Variants in DGKB observed in about 807,000 individuals in gnomAD.
DGKB encodes the protein diacylglycerol kinase beta.
DGKB carries 67 observed loss-of-function variants against 114.3 expected under a neutral mutation model. The observed-to-expected ratio is 0.59, with a 90% CI of 0.48 to 0.72. DGKB has a LOEUF of 0.72. DGKB is among the 30% of genes least tolerant of loss of function. The probability of loss-of-function intolerance (pLI) is 0.00; values close to 1 mark genes in which losing one functional copy is unlikely to be tolerated. For missense variants in DGKB, 907 were observed against 975.2 expected (o/e 0.93, Z 0.93); for synonymous variants, 398 against 323.1 (o/e 1.23, Z -2.49).
At chr7:14,899,293 G>T (rs367968444) in intron 1 of DGKB, among the ~76,000 whole-genome samples, 3 of 151,980 alleles carry the variant, frequency 2.0e-5, no homozygotes, top group African/African-American at 4.8e-5. Flanking sequence ...GCCTTTCTCC[G>T]CCACTTGTCT....
Position 14,478,137 on chromosome 7 carries a change from A to C in DGKB, c.1835+24T>G, listed in dbSNP as rs969343975. On this transcript the variant is annotated intron_variant, in intron 21 of 25. Transcript: ENST00000402815. ...GCAAAATTCAGCAACTATATCTATAATTTCATCTCTTTTGTCACCTTACCT... is the reference window on the plus strand; with the variant it reads ...GCAAAATTCAGCAACTATATCTATACTTTCATCTCTTTTGTCACCTTACCT... 2.0e-6 allele frequency: 3 copies of C among 1,533,890 alleles called. No individual in the cohort carries two copies. The East Asian group carries it at 6.9e-5, about 35-fold the overall frequency.
chr7:14,775,646 T>A (rs753012752), intron 2 of DGKB, among the ~76,000 whole-genome samples: 1 of 151,988 alleles, frequency 6.6e-6, no homozygotes, highest in Non-Finnish European at 1.5e-5. Flanking sequence ...TCTTCCCAAT[T>A]TCGTTCTGCA....
At chr7:14,961,514 G>A (rs1474427743) in intron 1 of DGKB, among the ~76,000 whole-genome samples, 1 of 152,116 alleles carries the variant, frequency 6.6e-6, no homozygotes, top group African/African-American at 2.4e-5. Context: ...AGATGCAAGG[G>A]AGAACCACCT....
At chr7:14,384,027 C>G (rs10247193) in intron 21 of DGKB, among the ~76,000 whole-genome samples, 8,739 of 152,244 alleles carry the variant, frequency 0.057, 621 homozygotes, top group African/African-American at 0.18. Flanking sequence ...GGCTTTTAAA[C>G]ATGAGGTATG....
chr7:14,394,622 T>C (rs75484262), intron 21 of DGKB, among the ~76,000 whole-genome samples: 15,886 of 152,090 alleles, frequency 0.1, 1,325 homozygotes, highest in East Asian at 0.47. Flanking sequence ...GTTGTTGTTA[T>C]ATCTTCACCT....
At chr7:14,750,793 C>CTTTTTTTTTTTTTTTTTTTTTT (rs1016534410) in intron 4 of DGKB, among the ~76,000 whole-genome samples, 1 of 89,564 alleles carries the variant, frequency 1.1e-5, no homozygotes, top group African/African-American at 5.1e-5. Flanking sequence ...ATTTCTATTT[C>CTTTTTTTTTTTTTTTTTTTTTT]TTTTTTTTTT....
intron 23 of DGKB, among the ~76,000 whole-genome samples, chr7:14,254,233 C>T (rs1795639808): frequency 6.6e-6 from 1 of 152,160 alleles, no homozygotes; most frequent in Non-Finnish European, 1.5e-5. Context: ...CTTGCTACAT[C>T]CGGAAGAGAT....
intron 1 of DGKB, 29 bp from the exon 2 acceptor site, chr7:14,841,479 A>T: frequency 2.4e-6 from 1 of 417,010 alleles, no homozygotes. Context: ...GATCAAGATC[A>T]AAAGATTAAC....
intron 23 of DGKB, among the ~76,000 whole-genome samples, chr7:14,273,625 C>G (rs1798577822): frequency 6.6e-6 from 1 of 152,094 alleles, no homozygotes; most frequent in Non-Finnish European, 1.5e-5. Flanking sequence ...GGTAAATTTT[C>G]ACGTGATAAG....
chr7:14,801,835 T>C (rs765616015), intron 2 of DGKB, among the ~76,000 whole-genome samples: 1 of 151,976 alleles, frequency 6.6e-6, no homozygotes, highest in African/African-American at 2.4e-5. Flanking sequence ...TATATGTATA[T>C]GTGCATGTGT....
chr7:14,907,803 T>A (rs1182366979), upstream of DGKB, among the ~76,000 whole-genome samples: 1 of 152,174 alleles, frequency 6.6e-6, no homozygotes, highest in Non-Finnish European at 1.5e-5. Flanking sequence ...TCGATGAAGG[T>A]ACCTGGTATT....
In DGKB at chr7:14,697,964, GGAAA is replaced by G. The variant is rs200108130; in HGVS notation, c.591+127_591+130del. The G allele has an allele frequency of 3.1e-3, 1,822 of 579,586 alleles. 14 individuals carry two copies. The highest frequency in any genetic ancestry group is 0.025 in the African/African-American group (1,075 of 43,756). The allele number at this position is 579,586 out of a possible 1,614,324, so 35.9% of individuals were successfully genotyped here. A position where few individuals can be genotyped will look rare whatever the true frequency, so the allele number is the denominator to read the frequency against. On this transcript the variant is annotated intron_variant, in intron 8 of 25. Transcript: ENST00000402815. Reference sequence around the variant, plus strand: ...GAAACAGAAAGGGAGATAGAAGGAAGGAAAGAAAGAAAGAAAGAGAGAGAGAAAG... The same window carrying G: ...GAAACAGAAAGGGAGATAGAAGGAAGGAAAGAAAGAAAGAGAGAGAGAAAG...
intron 13 of DGKB, among the ~76,000 whole-genome samples, chr7:14,631,417 G>A (rs937128500): frequency 2.0e-5 from 3 of 151,948 alleles, no homozygotes; most frequent in African/African-American, 7.2e-5. Flanking sequence ...CAGCCCCACA[G>A]AAAATTAAGG....
chr7:14,761,148 T>G (rs987379139), intron 2 of DGKB, among the ~76,000 whole-genome samples: 3 of 152,174 alleles, frequency 2.0e-5, no homozygotes, highest in Non-Finnish European at 4.4e-5. Context: ...TACAATCTAG[T>G]TTGGAAACTG....
At chr7:14,676,673 C>T (rs1007335350) in intron 12 of DGKB, among the ~76,000 whole-genome samples, 1 of 152,016 alleles carries the variant, frequency 6.6e-6, no homozygotes, top group Non-Finnish European at 1.5e-5. Context: ...AAAGACACAG[C>T]TGGGTCCTTC....
At chr7:14,607,309 A>G in intron 17 of DGKB, 125 bp downstream of exon 17, 1 of 591,076 alleles carries the variant, frequency 1.7e-6, no homozygotes, top group East Asian at 3.3e-5. Context: ...CGTAGTTGAT[A>G]TTTCATTTTT....
intron 23 of DGKB, among the ~76,000 whole-genome samples, chr7:14,251,838 C>T: frequency 6.6e-6 from 1 of 152,096 alleles, no homozygotes; most frequent in Non-Finnish European, 1.5e-5. Flanking sequence ...CCTTTCCTGG[C>T]CTGCAAGGTT....
At chr7:14,317,458 T>G (rs968921592) in intron 23 of DGKB, among the ~76,000 whole-genome samples, 1 of 150,764 alleles carries the variant, frequency 6.6e-6, no homozygotes, top group Admixed American at 6.6e-5. Flanking sequence ...AAAATCAATG[T>G]GCAAAAATCA....
chr7:14,373,260 C>T (rs1005998167), intron 21 of DGKB, among the ~76,000 whole-genome samples: 3 of 152,140 alleles, frequency 2.0e-5, no homozygotes, highest in African/African-American at 7.2e-5. Context: ...CTGTTTGTTA[C>T]CTTGGTGTAA....
Sources: allele counts gnomAD v4.1 joint callset (sites outside exome capture counted in the v4.1 genomes callset), GRCh38; gene constraint gnomAD v4.1.1; transcripts MANE v1.5; gene names NCBI Gene and HGNC (gene_info 2026-07-23, HGNC 2026-07-21).